The following OR4F5 variants were observed in gnomAD, a reference collection of about 807,000 sequenced individuals.
OR4F5 encodes the protein olfactory receptor family 4 subfamily F member 5, also known as olfactory receptor 4F5.
A neutral mutation model predicts 5.8 loss-of-function variants in OR4F5; 1 was observed. The observed-to-expected ratio is 0.17, with a 90% CI of 0.06 to 0.82. The LOEUF (loss-of-function observed/expected upper bound fraction) is 0.82. Among genes scored for constraint, OR4F5 ranks in the 40% least tolerant of loss-of-function variants. The probability of loss-of-function intolerance (pLI) is 0.72; values close to 1 mark genes in which losing one functional copy is unlikely to be tolerated. For synonymous variants in OR4F5, 18 were observed against 63.7 expected (o/e 0.28, Z 3.42); for missense variants, 47 against 175.5 (o/e 0.27, Z 4.14).
At chr1:66,257 TA>T (rs1557435269) in intron 2 of OR4F5, among the ~76,000 whole-genome samples, 707 of 32,750 alleles carry the variant, frequency 0.022, 155 homozygotes, top group Non-Finnish European at 0.03. Context: ...ATATAATATA[TA>T]ATATAAATAT....
rs558787471 is a variant in OR4F5, at chr1:66,390, T to A, written c.9+817T>A. ...AATATAATATATAAATTATATAATA[T>A]AATATATATTATATAATATAATATA... On this transcript the variant is annotated intron_variant, in intron 2 of 2. Transcript: ENST00000641515. Among the ~76,000 whole-genome samples, 488 of 78,310 alleles carry A rather than the reference T, an allele frequency of 6.2e-3. 18 individuals carry two copies. The highest frequency in any genetic ancestry group is 0.016 in the African/African-American group (370 of 23,154). 51.4% of individuals were successfully genotyped at this position (78,310 alleles called of 152,430 possible). A position where few individuals can be genotyped will look rare whatever the true frequency, so the allele number is the denominator to read the frequency against.
At chr1:66,244 ATTATAT>A (rs1557435249) in intron 2 of OR4F5, among the ~76,000 whole-genome samples, 9 of 32,704 alleles carry the variant, frequency 2.8e-4, no homozygotes, top group East Asian at 1.1e-3. Context: ...TATATATTAT[ATTATAT>A]AATATATAAT....
chr1:68,411 T>A (rs1243968932), intron 2 of OR4F5, among the ~76,000 whole-genome samples: 4 of 81,116 alleles, frequency 4.9e-5, no homozygotes, highest in Admixed American at 1.3e-4. Context: ...TCATTCAAAA[T>A]TTTTCAGTAG....
In OR4F5 at chr1:66,525, T is replaced by A. The variant is rs1292294228; in HGVS notation, c.9+952T>A. On this transcript the variant is annotated intron_variant, in intron 2 of 2. Transcript: ENST00000641515. ...ATTTTATTATATAATATATATTATATAATATATATTATATTTATATATAAC... is the reference window on the plus strand; with the variant it reads ...ATTTTATTATATAATATATATTATAAAATATATATTATATTTATATATAAC... Among the ~76,000 whole-genome samples the A allele has an allele frequency of 1.3e-3, 110 of 83,804 alleles. 3 individuals are homozygous for A. The highest frequency in any genetic ancestry group is 0.012 in the East Asian group (50 of 4,280). The allele number at this position is 83,804 out of a possible 152,430, so 55.0% of individuals were successfully genotyped here.
In OR4F5 at chr1:71,175, GA is replaced by G. The variant is rs753554581; in HGVS notation, c.*1178del. ...TTAAGATAGAAGGAAAATATAAATTGAAAAAAAAAAACCTTAACAAATGATT... is the reference window on the plus strand; with the variant it reads ...TTAAGATAGAAGGAAAATATAAATTGAAAAAAAAAACCTTAACAAATGATT... On this transcript the variant is annotated 3_prime_UTR_variant, in exon 3 of 3. Coordinates refer to ENST00000641515, the MANE Select transcript of OR4F5 (RefSeq NM_001005484.2). 2 of 13,618 alleles carry G rather than the reference GA, an allele frequency of 1.5e-4. No individual in the cohort carries two copies. Among genetic ancestry groups the G allele is most frequent in the African/African-American group, 2.9e-4 (2 of 6,842 alleles). The allele number at this position is 13,618 out of a possible 1,614,324, so 0.8% of individuals were successfully genotyped here.
chr1:66,585 T>C (rs1248289579), intron 2 of OR4F5, among the ~76,000 whole-genome samples: 1 of 87,372 alleles, frequency 1.1e-5, no homozygotes, highest in East Asian at 2.3e-4. Context: ...TAATATATAT[T>C]ATATAAATAT....
rs1261833282 is a variant in OR4F5, at chr1:66,376, TA to T, written c.9+806del. ...ATATATATTATATAAATATAATATA[TA>T]AATTATATAATATAATATATATTAT... On this transcript the variant is annotated intron_variant, in intron 2 of 2. Coordinates refer to ENST00000641515, the MANE Select transcript of OR4F5 (RefSeq NM_001005484.2). Among the ~76,000 whole-genome samples the T allele has an allele frequency of 2.4e-3, 19 of 7,828 alleles. 1 individual carries two copies. Among genetic ancestry groups the T allele is most frequent in the South Asian group, 3.9e-3 (2 of 508 alleles). 5.1% of individuals were successfully genotyped at this position (7,828 alleles called of 152,430 possible). A position where few individuals can be genotyped will look rare whatever the true frequency, so the allele number is the denominator to read the frequency against.
In OR4F5 at chr1:66,713, C is replaced by T. The variant is rs1341595742; in HGVS notation, c.9+1140C>T. 8.0e-4 allele frequency among the ~76,000 whole-genome samples: 94 copies of T among 117,488 alleles called. 1 individual carries two copies. Among genetic ancestry groups the T allele is most frequent in the African/African-American group, 2.4e-3 (90 of 36,852 alleles). 77.1% of individuals were successfully genotyped at this position (117,488 alleles called of 152,430 possible). The stretch of plus-strand genomic sequence containing the variant: ...AGTGGCTGGCTCTTCATGGTTGCTA[C>T]AATGAGTGTGTAAGATTCTGAAGGA... On this transcript the variant is annotated intron_variant, in intron 2 of 2. Transcript: ENST00000641515.
chr1:66,421 TTA>T (rs1256192517), intron 2 of OR4F5, among the ~76,000 whole-genome samples: 1 of 80,050 alleles, frequency 1.2e-5, no homozygotes, highest in Admixed American at 2.1e-4. Flanking sequence ...ATATATTTTA[TTA>T]TATAAATATA....
intron 2 of OR4F5, among the ~76,000 whole-genome samples, chr1:66,483 TATAGA>T (rs1639946911): frequency 2.6e-5 from 2 of 77,740 alleles, no homozygotes; most frequent in Non-Finnish European, 5.1e-5. Flanking sequence ...ATTATATATT[TATAGA>T]ATATAATATA....
In OR4F5 at chr1:66,529, ATATAT is replaced by A. The variant is rs1350930060; in HGVS notation, c.9+963_9+967del. Among the ~76,000 whole-genome samples the A allele has an allele frequency of 2.9e-3, 246 of 84,378 alleles. 4 individuals carry two copies. Among genetic ancestry groups the A allele is most frequent in the African/African-American group, 9.0e-3 (239 of 26,510 alleles). 55.4% of individuals were successfully genotyped at this position (84,378 alleles called of 152,430 possible). A position where few individuals can be genotyped will look rare whatever the true frequency, so the allele number is the denominator to read the frequency against. Reference sequence around the variant, plus strand: ...TATTATATAATATATATTATATAATATATATTATATTTATATATAACATATATTAT... The same window carrying A: ...TATTATATAATATATATTATATAATATATATTTATATATAACATATATTAT... On this transcript the variant is annotated intron_variant, in intron 2 of 2. Transcript: ENST00000641515.
At chr1:66,090 T>A (rs1414750092) in intron 2 of OR4F5, among the ~76,000 whole-genome samples, 20 of 115,950 alleles carry the variant, frequency 1.7e-4, no homozygotes, top group African/African-American at 1.6e-4. Context: ...ATGATCACAC[T>A]GTGAATTTGT....
chr1:66,458 T>A (rs1364927013), intron 2 of OR4F5, among the ~76,000 whole-genome samples: 2 of 82,166 alleles, frequency 2.4e-5, no homozygotes, highest in Admixed American at 4.1e-4. Flanking sequence ...ATATATATTT[T>A]ATTATATAAT....
intron 2 of OR4F5, among the ~76,000 whole-genome samples, chr1:66,378 A>AATTATATAATATAATATATATTAT (rs1639942682): frequency 9.4e-4 from 6 of 6,362 alleles, no homozygotes; most frequent in African/African-American, 2.1e-3. Context: ...ATAATATATA[A>AATTATATAATATAATATATATTAT]ATTATATAAT....
At chr1:66,229 T>C (rs1639935182) in intron 2 of OR4F5, among the ~76,000 whole-genome samples, 1 of 58,468 alleles carries the variant, frequency 1.7e-5, no homozygotes, top group Non-Finnish European at 4.2e-5. Context: ...ATATATATTA[T>C]ATAATATATA....
At chr1:66,572 G>T (rs1557435899) in intron 2 of OR4F5, among the ~76,000 whole-genome samples, 2 of 53,074 alleles carry the variant, frequency 3.8e-5, no homozygotes, top group African/African-American at 5.8e-5. Context: ...TATAAAATAT[G>T]TATAATATAT....
chr1:66,194 ATATATATTACATATT>A (rs1248008783), intron 2 of OR4F5, among the ~76,000 whole-genome samples: 1 of 89,154 alleles, frequency 1.1e-5, no homozygotes, highest in African/African-American at 3.5e-5. Flanking sequence ...CTATATATTT[ATATATATTACATATT>A]ATATATATAA....
chr1:68,613 A>T (rs1456703332), intron 2 of OR4F5, among the ~76,000 whole-genome samples: 1 of 26,858 alleles, frequency 3.7e-5, no homozygotes, highest in African/African-American at 7.0e-5. Context: ...TATATTTGTG[A>T]TATTATTTTT....
chr1:69,666 C>G lies in OR4F5; in HGVS notation c.639C>G (p.Val213=), dbSNP rs904759705. 1 of 839,522 alleles carries G rather than the reference C, an allele frequency of 1.2e-6. No homozygotes were observed. The highest frequency in any genetic ancestry group is 2.1e-5 in the African/African-American group (1 of 47,722). The allele number at this position is 839,522 out of a possible 1,614,324, so 52.0% of individuals were successfully genotyped here. ...CTDTYRLDIM[V]IANSGVLTVC... ...ATACCTACAGGCTAGATATTATGGT[C>G]ATTGCTAACAGTGGTGTGCTCACTG... The change falls in exon 3 of 3, where the codon GTC becomes GTG. Residue 213 remains valine (V), a synonymous_variant. Transcript: ENST00000641515.
Sources: allele counts gnomAD v4.1 joint callset (sites outside exome capture counted in the v4.1 genomes callset), GRCh38; gene constraint gnomAD v4.1.1; transcripts MANE v1.5; gene names NCBI Gene and HGNC (gene_info 2026-07-23, HGNC 2026-07-21).